Variants in PLEKHM2 observed in about 807,000 individuals in gnomAD.
The protein encoded by PLEKHM2 is pleckstrin homology domain-containing family M member 2.
A neutral mutation model predicts 116.3 loss-of-function variants in PLEKHM2; 77 were observed. That is an observed-to-expected ratio of 0.66 (90% CI 0.55 to 0.80). The LOEUF (loss-of-function observed/expected upper bound fraction) is 0.80, where lower values mean the gene tolerates loss of function less well. Ranked by LOEUF, PLEKHM2 falls within the 30% of genes least tolerant of loss-of-function variation. PLEKHM2 has a pLI of 0.00. For synonymous variants in PLEKHM2, 562 were observed against 571.0 expected (o/e 0.98, Z 0.22); for missense variants, 1,183 against 1,354.9 (o/e 0.87, Z 1.99).
At chr1:15,699,714 G>A (rs1211053862) in intron 1 of PLEKHM2, among the ~76,000 whole-genome samples, 1 of 152,026 alleles carries the variant, frequency 6.6e-6, no homozygotes, top group African/African-American at 2.4e-5. Context: ...AGAGTGGGCC[G>A]GGTATGATGA....
In PLEKHM2 at chr1:15,725,487, A is replaced by AAGG; in HGVS notation, c.890_892dup (p.Glu297dup). 6.3e-7 allele frequency: 1 copy of AAGG among 1,581,846 alleles called. No homozygotes were observed. The highest frequency in any genetic ancestry group is 2.3e-5 in the East Asian group (1 of 42,608). ...CCCCGTGCACACCACCTCTCAGGAG[A>AAGG]AGGAGGAGGCCCAGGCCCTGGACCC... is the stretch of plus-strand genomic sequence containing the variant. On this transcript the variant is annotated inframe_insertion, in exon 8 of 20. Coordinates refer to ENST00000375799, the MANE Select transcript of PLEKHM2 (RefSeq NM_015164.4).
At chr1:15,709,261 G>C (rs1039064404) in intron 1 of PLEKHM2, among the ~76,000 whole-genome samples, 1 of 152,180 alleles carries the variant, frequency 6.6e-6, no homozygotes, top group Non-Finnish European at 1.5e-5. Context: ...GTGCTTCCAG[G>C]CTGGGTTATA....
Position 15,725,495 on chromosome 1 carries a change from G to T in PLEKHM2, c.891G>T (p.Glu297Asp). The change falls in exon 8 of 20, where the codon GAG (glutamate) becomes GAT (aspartate). Residue 297 changes from glutamate (E) to aspartate (D), a missense_variant. By Grantham distance (45) the Glu-to-Asp change is conservative (BLOSUM62 2). Transcript: ENST00000375799. ...ACACCACCTCTCAGGAGAAGGAGGA[G>T]GCCCAGGCCCTGGACCCGCCGGATG... ...PVHTTSQEKE[E>D]AQALDPPDAC... The T allele has an allele frequency of 6.3e-7, 1 of 1,580,862 alleles. No individual in the cohort carries two copies. The highest frequency in any genetic ancestry group is 8.6e-7 in the Non-Finnish European group (1 of 1,164,366).
chr1:15,685,901 A>C (rs1640760830), intron 1 of PLEKHM2, among the ~76,000 whole-genome samples: 1 of 152,212 alleles, frequency 6.6e-6, no homozygotes, highest in Non-Finnish European at 1.5e-5. Flanking sequence ...TTGCTTACTC[A>C]AGGAGGGCAG....
chr1:15,687,045 C>T (rs145040587), intron 1 of PLEKHM2, among the ~76,000 whole-genome samples: 10 of 152,272 alleles, frequency 6.6e-5, no homozygotes, highest in Non-Finnish European at 1.5e-4. Context: ...GCCTTGGCCC[C>T]CCGAAGTGCT....
Position 15,727,133 on chromosome 1 carries a change from G to A in PLEKHM2, c.1061G>A (p.Arg354His), listed in dbSNP as rs751121316. The A allele has an allele frequency of 3.5e-5, 56 of 1,590,430 alleles. No homozygotes were observed. Among genetic ancestry groups the A allele is most frequent in the South Asian group, 2.6e-4 (23 of 87,858 alleles). The change falls in exon 9 of 20, where the codon CGC becomes CAC. Residue 354 changes from arginine to histidine, a missense_variant. By Grantham distance (29) the Arg-to-His change is conservative. This residue lies in a region of PLEKHM2 where 372 missense variants were observed against 357.2 expected (regional missense o/e 1.04). Coordinates refer to ENST00000375799, the MANE Select transcript of PLEKHM2 (RefSeq NM_015164.4). The surrounding 1 kb of genome is among the most constrained non-coding windows in gnomAD (Gnocchi z 7.5). ...GCCAAGCAGGGGGACGGTGACAGCC[G>A]CAACGGCAGCCCAAGCCTTGGGCGG... Reference protein sequence around the residue: ...KCAKQGDGDSRNGSPSLGRDS... With the variant: ...KCAKQGDGDSHNGSPSLGRDS...
In PLEKHM2 at chr1:15,704,858, G is replaced by A. The variant is rs146763217; in HGVS notation, c.61-11379G>A. 6.6e-5 allele frequency among the ~76,000 whole-genome samples: 10 copies of A among 152,298 alleles called. No homozygotes were observed. The South Asian group carries it at 1.0e-3, about 16-fold the overall frequency. Reference sequence around the variant, plus strand: ...ACTGCCCACGTTTTCTGCCCACCTCGCTGGCTGTGCCTTCGTGGTCTAAGA... The same window carrying A: ...ACTGCCCACGTTTTCTGCCCACCTCACTGGCTGTGCCTTCGTGGTCTAAGA... On this transcript the variant is annotated intron_variant, in intron 1 of 19. Coordinates refer to ENST00000375799, the MANE Select transcript of PLEKHM2 (RefSeq NM_015164.4).
At chr1:15,726,194 T>A (rs1216524562) in intron 8 of PLEKHM2, among the ~76,000 whole-genome samples, 1 of 152,158 alleles carries the variant, frequency 6.6e-6, no homozygotes, top group African/African-American at 2.4e-5. Flanking sequence ...CCAAGGGAGT[T>A]CTTGGAAGTT....
rs866837651 is a variant in PLEKHM2, at chr1:15,684,566, C to T, written c.8C>T (p.Pro3Leu). 10 of 1,289,624 alleles carry T rather than the reference C, an allele frequency of 7.8e-6. No individual in the cohort carries two copies. The highest frequency in any genetic ancestry group is 1.0e-5 in the Non-Finnish European group (10 of 1,003,756). 79.9% of individuals were successfully genotyped at this position (1,289,624 alleles called of 1,614,324 possible). A position where few individuals can be genotyped will look rare whatever the true frequency, so the allele number is the denominator to read the frequency against. Reference sequence around the variant, plus strand: ...GGCGACGGTGGCAGCGCCATGGAGCCGGGGGAGGTGAAGGACCGGATCCTG... The same window carrying T: ...GGCGACGGTGGCAGCGCCATGGAGCTGGGGGAGGTGAAGGACCGGATCCTG... ME[P>L]GEVKDRILEN... Residue 3 changes from proline (P) to leucine (L), a missense_variant, in exon 1 of 20, where the codon CCG becomes CTG. Around this residue, in one of 3 missense-constraint regions of PLEKHM2, gnomAD observed 217 missense variants for 277.6 expected, o/e 0.78. Coordinates refer to ENST00000375799, the MANE Select transcript of PLEKHM2 (RefSeq NM_015164.4).
chr1:15,732,107 G>C (rs2068152982), intron 17 of PLEKHM2, 59 bp downstream of exon 17: 3 of 1,513,674 alleles, frequency 2.0e-6, no homozygotes, highest in South Asian at 1.2e-5. Context: ...AGACCCCCAG[G>C]GTCCCATCCC....
rs1032970761 is a variant in PLEKHM2 at position 15,728,909 on chromosome 1, G to T, written c.1986+176G>T. The stretch of plus-strand genomic sequence containing the variant: ...GCTGGGGGTAAGAACCAAGCTTGAG[G>T]TTGCCTCTTCCCGTGCTAGACTTCT... On this transcript the variant is annotated intron_variant, in intron 12 of 19. Transcript: ENST00000375799. The surrounding 1 kb of genome is among the most constrained non-coding windows in gnomAD (Gnocchi z 5.9). Among the ~76,000 whole-genome samples, 7 of 152,210 alleles carry T rather than the reference G, an allele frequency of 4.6e-5. No homozygotes were observed. The East Asian group carries it at 1.3e-3, about 29-fold the overall frequency.
At chr1:15,731,593 G>A (rs1055336790) in intron 16 of PLEKHM2, among the ~76,000 whole-genome samples, 4 of 152,292 alleles carry the variant, frequency 2.6e-5, no homozygotes, top group East Asian at 3.9e-4. Flanking sequence ...GAATGAATGC[G>A]GCCGATTCTC....
At chr1:15,691,983 C>T (rs556878978) in intron 1 of PLEKHM2, among the ~76,000 whole-genome samples, 2 of 152,148 alleles carry the variant, frequency 1.3e-5, no homozygotes, top group Non-Finnish European at 2.9e-5. Context: ...CATGGTGGCA[C>T]ATGCCTATAG....
rs779811678 is a variant in PLEKHM2, at chr1:15,725,275, G to A, written c.713-42G>A. 7 of 1,456,778 alleles carry A rather than the reference G, an allele frequency of 4.8e-6. No homozygotes were observed. The South Asian group carries it at 4.9e-5, about 10-fold the overall frequency. 90.2% of individuals were successfully genotyped at this position (1,456,778 alleles called of 1,614,324 possible). ...ATGCTCTGGGGGTCGGGGACCCCGG[G>A]GGGTGCCTGACAGGGTGTCTCCTGC... On this transcript the variant is annotated intron_variant, in intron 7 of 19. Coordinates refer to ENST00000375799, the MANE Select transcript of PLEKHM2 (RefSeq NM_015164.4).
In PLEKHM2 at chr1:15,694,762, T is replaced by TG. The variant is rs1399891262; in HGVS notation, c.60+10144_60+10145insG. 3.9e-5 allele frequency among the ~76,000 whole-genome samples: 6 copies of TG among 151,940 alleles called. No individual in the cohort carries two copies. In the East Asian group the frequency reaches 5.8e-4, roughly 15 times the overall value. On this transcript the variant is annotated intron_variant, in intron 1 of 19. Coordinates refer to ENST00000375799, the MANE Select transcript of PLEKHM2 (RefSeq NM_015164.4). ...ATGCTGTGTATTTTGTTTTGTTTTT[T>TG]TTTTTTGTTTTTTGAGACAGAGTCT... is the stretch of plus-strand genomic sequence containing the variant.
intron 1 of PLEKHM2, among the ~76,000 whole-genome samples, chr1:15,715,069 T>C (rs553372636): frequency 1.8e-4 from 27 of 152,284 alleles, no homozygotes; most frequent in African/African-American, 6.3e-4. Flanking sequence ...CCAGGAACAG[T>C]GGTGTCCTTC....
intron 1 of PLEKHM2, among the ~76,000 whole-genome samples, chr1:15,705,762 C>G (rs968083469): frequency 3.9e-5 from 6 of 152,164 alleles, no homozygotes; most frequent in Admixed American, 1.3e-4. Context: ...TCTGCCTCCA[C>G]CCTGGCCTTT....
At chr1:15,722,468 C>T (rs1391334599) in intron 7 of PLEKHM2, among the ~76,000 whole-genome samples, 2 of 152,098 alleles carry the variant, frequency 1.3e-5, no homozygotes, top group African/African-American at 4.8e-5. Context: ...TAAAGAGCCT[C>T]CTACCCTCTG....
At chr1:15,690,215 A>AG (rs1640863156) in intron 1 of PLEKHM2, among the ~76,000 whole-genome samples, 1 of 150,768 alleles carries the variant, frequency 6.6e-6, no homozygotes. Context: ...ACGGGCACAG[A>AG]CCACCACGCC....
Sources: gnomAD v4.1 joint callset for allele counts (sites outside exome capture counted in the v4.1 genomes callset) on GRCh38, gnomAD v4.1.1 for gene constraint, gnomAD v4.1.1 regional missense constraint, Gnocchi (gnomAD v3.1) non-coding constraint, MANE v1.5 for transcripts, NCBI Gene and HGNC (gene_info 2026-07-23, HGNC 2026-07-21) for gene names.